Variants in CFAP95 observed in about 807,000 individuals in gnomAD.
CFAP95 encodes cilia and flagella associated protein 95.
chr9:69,858,267 A>G, the CFAP95 span: 342,697 of 398,076 alleles, frequency 0.86, 147,766 homozygotes, highest in Middle Eastern at 0.88. Context: ...TGGTTCTGTC[A>G]TGGTCATTTG....
the CFAP95 span, among the ~76,000 whole-genome samples, chr9:69,863,262 A>G: frequency 6.6e-6 from 1 of 152,176 alleles, no homozygotes; most frequent in African/African-American, 2.4e-5. Flanking sequence ...AAAAATGCCC[A>G]TTTGGTCTCA....
the CFAP95 span, among the ~76,000 whole-genome samples, chr9:69,874,286 G>A: frequency 1.3e-5 from 2 of 152,068 alleles, no homozygotes; most frequent in Non-Finnish European, 2.9e-5. Context: ...CACACCAGAC[G>A]GTCATGTCAG....
the CFAP95 span, among the ~76,000 whole-genome samples, chr9:69,900,820 G>C: frequency 6.6e-6 from 1 of 152,216 alleles, no homozygotes; most frequent in South Asian, 2.1e-4. Flanking sequence ...TCTGAGAGTT[G>C]ATCTGTTTCA....
chr9:69,869,025 G>T, the CFAP95 span, among the ~76,000 whole-genome samples: 1 of 152,138 alleles, frequency 6.6e-6, no homozygotes, highest in Non-Finnish European at 1.5e-5. Flanking sequence ...GGAGAAACTA[G>T]AACCCTTGAA....
chr9:69,905,854 C>T, the CFAP95 span: 1 of 897,586 alleles, frequency 1.1e-6, no homozygotes, highest in South Asian at 4.2e-5. Context: ...AAAAATTAAC[C>T]TTCAATCATA....
At chr9:69,846,477 T>G in the CFAP95 span, among the ~76,000 whole-genome samples, 1 of 152,356 alleles carries the variant, frequency 6.6e-6, no homozygotes, top group East Asian at 1.9e-4. Context: ...ACTGCTATTC[T>G]CTATCTTAAT....
the CFAP95 span, among the ~76,000 whole-genome samples, chr9:69,896,845 C>T: frequency 6.6e-6 from 1 of 152,008 alleles, no homozygotes; most frequent in Non-Finnish European, 1.5e-5. Context: ...GCTATGATTG[C>T]ACCACTGCAC....
the CFAP95 span, among the ~76,000 whole-genome samples, chr9:69,831,900 T>C: frequency 6.6e-6 from 1 of 152,198 alleles, no homozygotes; most frequent in African/African-American, 2.4e-5. Flanking sequence ...GAGGTGACCA[T>C]AGCATCTTAA....
At chr9:69,833,752 G>A in the CFAP95 span, among the ~76,000 whole-genome samples, 3 of 152,026 alleles carry the variant, frequency 2.0e-5, no homozygotes, top group African/African-American at 7.3e-5. Context: ...GCTTTTAATT[G>A]TTTCATTTCC....
chr9:69,823,030 A>G, the CFAP95 span, among the ~76,000 whole-genome samples: 3 of 152,226 alleles, frequency 2.0e-5, no homozygotes, highest in African/African-American at 7.2e-5. Context: ...ACATTTTCAT[A>G]CAGCTATAAA....
chr9:69,825,791 T>C, the CFAP95 span, among the ~76,000 whole-genome samples: 1 of 152,216 alleles, frequency 6.6e-6, no homozygotes, highest in South Asian at 2.1e-4. Context: ...TTCATACTCA[T>C]CTTTTCCTTG....
At chr9:69,866,304 T>C in the CFAP95 span, among the ~76,000 whole-genome samples, 1 of 152,290 alleles carries the variant, frequency 6.6e-6, no homozygotes, top group East Asian at 1.9e-4. Flanking sequence ...ACCATCTGCC[T>C]TCTGTAAGCT....
the CFAP95 span, among the ~76,000 whole-genome samples, chr9:69,855,545 G>A: frequency 0.04 from 6,125 of 152,194 alleles, 177 homozygotes; most frequent in Middle Eastern, 0.11. Context: ...TTGAGCTAAG[G>A]GTATATGGAT....
At chr9:69,851,287 G>A in the CFAP95 span, among the ~76,000 whole-genome samples, 1 of 152,158 alleles carries the variant, frequency 6.6e-6, no homozygotes, top group African/African-American at 2.4e-5. Flanking sequence ...CCTGCTTTCT[G>A]GAATCGGTTC....
the CFAP95 span, among the ~76,000 whole-genome samples, chr9:69,851,771 G>A: frequency 1.3e-5 from 2 of 152,040 alleles, no homozygotes; most frequent in African/African-American, 4.8e-5. Flanking sequence ...GGGAGGCTGA[G>A]GCAGGAGGAT....
chr9:69,891,892 C>T, the CFAP95 span, among the ~76,000 whole-genome samples: 2 of 151,716 alleles, frequency 1.3e-5, no homozygotes, highest in African/African-American at 2.4e-5. Context: ...TTTTTTAATC[C>T]CCCACTGGGA....
chr9:69,840,193 C>T, the CFAP95 span, among the ~76,000 whole-genome samples: 2 of 151,996 alleles, frequency 1.3e-5, no homozygotes, highest in African/African-American at 4.8e-5. Context: ...TTATTTTTCT[C>T]ATGAAGAATT....
the CFAP95 span, among the ~76,000 whole-genome samples, chr9:69,823,157 A>G: frequency 6.6e-6 from 1 of 152,350 alleles, no homozygotes; most frequent in East Asian, 1.9e-4. Context: ...AGGCAAAGCA[A>G]GCACCTTCTT....
the CFAP95 span, among the ~76,000 whole-genome samples, chr9:69,847,458 A>G: frequency 2.0e-5 from 3 of 152,196 alleles, no homozygotes; most frequent in Non-Finnish European, 2.9e-5. Context: ...GATCTTAGAG[A>G]CTTTTCCAAA....
Sources: allele counts gnomAD v4.1 joint callset (sites outside exome capture counted in the v4.1 genomes callset), GRCh38; gene constraint gnomAD v4.1.1; transcripts MANE v1.5; gene names NCBI Gene and HGNC (gene_info 2026-07-23, HGNC 2026-07-21).